The following ABCC1 variants were observed in gnomAD, a reference collection of about 807,000 sequenced individuals.
ABCC1 encodes ATP binding cassette subfamily C member 1 (ABCC1 blood group), also known as multidrug resistance-associated protein 1.
A neutral mutation model predicts 172.9 loss-of-function variants in ABCC1; 83 were observed. That is an observed-to-expected ratio of 0.48 (90% confidence interval 0.40 to 0.58). The LOEUF (loss-of-function observed/expected upper bound fraction) is 0.58. ABCC1 is among the 20% of genes least tolerant of loss of function. ABCC1 has a pLI of 0.00. For missense variants in ABCC1, 1,817 were observed against 2,002.7 expected, an observed-to-expected ratio of 0.91 and a Z score of 1.77; for synonymous variants, 937 against 825.2, an observed-to-expected ratio of 1.14 and a Z score of -2.32.
chr16:16,037,613 T>G (rs968027818), intron 7 of ABCC1, among the ~76,000 whole-genome samples: 4 of 152,132 alleles, frequency 2.6e-5, no homozygotes, highest in Admixed American at 2.0e-4. Context: ...AATGGCTGTT[T>G]TTGTTCCTGT....
At chr16:16,048,053 G>A (rs2049287830) in intron 9 of ABCC1, 89 bp from the exon 10 acceptor site, 1 of 1,484,376 alleles carries the variant, frequency 6.7e-7, no homozygotes, top group Non-Finnish European at 9.3e-7. Flanking sequence ...CTGCCCCTGA[G>A]AGTCTCCTTC....
At chr16:16,040,152 G>C (rs1046389450) in intron 7 of ABCC1, among the ~76,000 whole-genome samples, 6 of 152,048 alleles carry the variant, frequency 3.9e-5, no homozygotes, top group African/African-American at 1.4e-4. Context: ...CTGGATGGCA[G>C]TGGCATGATA....
chr16:16,016,052 C>T (rs965976317), intron 4 of ABCC1, among the ~76,000 whole-genome samples: 2 of 152,006 alleles, frequency 1.3e-5, no homozygotes, highest in African/African-American at 2.4e-5. Context: ...CGGCTTTCTG[C>T]CATTACATCC....
At chr16:15,971,227 GTAGCGCA>G (rs1291892580) in intron 1 of ABCC1, among the ~76,000 whole-genome samples, 1 of 152,132 alleles carries the variant, frequency 6.6e-6, no homozygotes, top group Non-Finnish European at 1.5e-5. Flanking sequence ...TGTCTTTCAC[GTAGCGCA>G]TGAAAAAGCT....
In ABCC1 at chr16:15,981,595, C is replaced by G. The variant is rs2046621275; in HGVS notation, c.49-26221C>G. On this transcript the variant is annotated intron_variant, in intron 1 of 30. Transcript: ENST00000399410. ...AACTGGAACAAAGTGTACCAACTCC[C>G]TAGGCAGCACACAGCAGGGGGGCCC... 2.0e-5 allele frequency among the ~76,000 whole-genome samples: 3 copies of G among 152,128 alleles called. No individual in the cohort carries two copies. In the South Asian group the frequency reaches 6.2e-4, roughly 31 times the overall value.
rs1430043914 is a variant in ABCC1, at chr16:16,033,113, C to G, written c.620C>G (p.Pro207Arg). ...CCTGTGCTTTCTTTCCACTAGAATC[C>G]CTGCCCAGAGTCCAGCGCTTCCTTC... is the stretch of plus-strand genomic sequence containing the variant. ...LFSETIHDPN[P>R]CPESSASFLS... The change falls in exon 6 of 31, where the codon CCC (proline) becomes CGC (arginine). Residue 207 changes from proline to arginine, a missense_variant. Physicochemically the swap from Pro to Arg is moderately radical, Grantham distance 103. Coordinates refer to ENST00000399410, the MANE Select transcript of ABCC1 (RefSeq NM_004996.4). The G allele has an allele frequency of 6.2e-6, 10 of 1,614,016 alleles. No individual in the cohort carries two copies. Among genetic ancestry groups the G allele is most frequent in the Non-Finnish European group, 8.5e-6 (10 of 1,180,024 alleles).
At chr16:16,029,105 C>A (rs1401342370) in intron 5 of ABCC1, among the ~76,000 whole-genome samples, 1 of 152,194 alleles carries the variant, frequency 6.6e-6, no homozygotes, top group Non-Finnish European at 1.5e-5. Context: ...CAGAGCGGAG[C>A]CTGATCCTTA....
chr16:16,030,027 G>C (rs1165386748), intron 5 of ABCC1, among the ~76,000 whole-genome samples: 1 of 151,990 alleles, frequency 6.6e-6, no homozygotes, highest in Non-Finnish European at 1.5e-5. Flanking sequence ...TTTGATCACT[G>C]ATCACTCTGT....
chr16:15,967,552 G>T (rs1323082483), intron 1 of ABCC1, among the ~76,000 whole-genome samples: 1 of 151,114 alleles, frequency 6.6e-6, no homozygotes, highest in Non-Finnish European at 1.5e-5. Flanking sequence ...AGACCAGCCT[G>T]GGCAACAGAA....
chr16:15,985,123 T>C (rs150293890), intron 1 of ABCC1, among the ~76,000 whole-genome samples: 37 of 152,296 alleles, frequency 2.4e-4, no homozygotes, highest in African/African-American at 8.4e-4. Context: ...CAGAGTCATA[T>C]ATTTCCTATT....
chr16:16,137,526 G>A (rs1033017390), intron 29 of ABCC1, among the ~76,000 whole-genome samples: 2 of 150,170 alleles, frequency 1.3e-5, no homozygotes, highest in African/African-American at 4.9e-5. Context: ...GTTGGATAAG[G>A]GATGCATGGG....
chr16:16,135,136 C>G (rs1465086656), intron 28 of ABCC1, among the ~76,000 whole-genome samples: 3 of 152,220 alleles, frequency 2.0e-5, no homozygotes, highest in African/African-American at 7.2e-5. Context: ...CTGAGCATCT[C>G]TAACCCTTCC....
chr16:16,037,480 A>C (rs1741621558), intron 7 of ABCC1, among the ~76,000 whole-genome samples: 1 of 150,376 alleles, frequency 6.6e-6, no homozygotes. Context: ...TCTATGTAAC[A>C]GTAAGAAAGA....
intron 26 of ABCC1, among the ~76,000 whole-genome samples, chr16:16,129,397 C>T (rs913576936): frequency 1.3e-5 from 2 of 151,960 alleles, no homozygotes; most frequent in African/African-American, 2.4e-5. Context: ...GCCTGTAATC[C>T]CAGCACTTTG....
At chr16:16,104,223 A>G (rs867484491) in intron 20 of ABCC1, among the ~76,000 whole-genome samples, 7 of 152,184 alleles carry the variant, frequency 4.6e-5, no homozygotes, top group East Asian at 1.9e-4. Context: ...AGGGTACCCC[A>G]GTAGGTGGCC....
intron 3 of ABCC1, among the ~76,000 whole-genome samples, chr16:16,012,709 G>GTTTT (rs1567312750): frequency 8.3e-6 from 1 of 120,956 alleles, no homozygotes; most frequent in African/African-American, 3.6e-5. Flanking sequence ...TTCCTTTGAG[G>GTTTT]CAGAGTTTCG....
chr16:15,968,734 T>A (rs1597060954), intron 1 of ABCC1, among the ~76,000 whole-genome samples: 1 of 152,098 alleles, frequency 6.6e-6, no homozygotes, highest in East Asian at 1.9e-4. Flanking sequence ...CATATATATG[T>A]GTATTTTGAG....
intron 20 of ABCC1, among the ~76,000 whole-genome samples, chr16:16,104,225 T>G (rs1025463075): frequency 1.3e-5 from 2 of 152,138 alleles, no homozygotes; most frequent in East Asian, 3.9e-4. Flanking sequence ...GGTACCCCAG[T>G]AGGTGGCCAC....
intron 27 of ABCC1, among the ~76,000 whole-genome samples, 170 bp downstream of exon 27, chr16:16,132,105 G>A (rs942810808): frequency 6.6e-6 from 1 of 152,166 alleles, no homozygotes; most frequent in Non-Finnish European, 1.5e-5. Flanking sequence ...GCTGTTCAGA[G>A]CGCATACAGC....
Sources: allele counts gnomAD v4.1 joint callset (sites outside exome capture counted in the v4.1 genomes callset), GRCh38; gene constraint gnomAD v4.1.1; transcripts MANE v1.5; gene names NCBI Gene and HGNC (gene_info 2026-07-23, HGNC 2026-07-21).